Variants in SREK1IP1 observed in about 807,000 individuals in gnomAD.
The protein encoded by SREK1IP1 is SREK1 interacting protein 1.
SREK1IP1 carries 12 observed loss-of-function variants against 22.8 expected under a neutral mutation model. That is an observed-to-expected ratio of 0.53 (90% CI 0.34 to 0.85). The LOEUF (loss-of-function observed/expected upper bound fraction) is 0.85, where lower values mean the gene tolerates loss of function less well. Among genes scored for constraint, SREK1IP1 ranks in the 40% least tolerant of loss-of-function variants. SREK1IP1 has a pLI of 0.02. For missense variants in SREK1IP1, 147 were observed against 171.8 expected (o/e 0.86, Z 0.81); for synonymous variants, 53 against 52.7 (o/e 1.01, Z -0.02).
intron 3 of SREK1IP1, among the ~76,000 whole-genome samples, chr5:64,740,764 C>T (rs188559544): frequency 3.3e-5 from 5 of 152,136 alleles, no homozygotes; most frequent in Non-Finnish European, 5.9e-5. Context: ...GGACTAGAAA[C>T]CAAATCTTAA....
At chr5:64,743,338 T>C (rs1162138068) in intron 2 of SREK1IP1, among the ~76,000 whole-genome samples, 3 of 152,218 alleles carry the variant, frequency 2.0e-5, no homozygotes, top group African/African-American at 7.2e-5. Flanking sequence ...GGCTATACCA[T>C]GTAGCCTAGG....
chr5:64,760,592 C>T (rs984420402), intron 1 of SREK1IP1, among the ~76,000 whole-genome samples: 9 of 152,172 alleles, frequency 5.9e-5, no homozygotes, highest in African/African-American at 2.2e-4. Flanking sequence ...ACTCTCCCTC[C>T]CAGATAAGCA....
At chr5:64,760,357 A>G (rs1184976196) in intron 1 of SREK1IP1, among the ~76,000 whole-genome samples, 1 of 152,250 alleles carries the variant, frequency 6.6e-6, no homozygotes, top group Non-Finnish European at 1.5e-5. Context: ...GTAAGCAGCC[A>G]GAAAGAACAG....
intron 2 of SREK1IP1, among the ~76,000 whole-genome samples, chr5:64,750,094 C>G (rs545289985): frequency 2.6e-5 from 4 of 152,132 alleles, no homozygotes; most frequent in Admixed American, 2.0e-4. Context: ...AGCCCTGCCA[C>G]GAGATTGAAT....
rs567021264 is a variant in SREK1IP1 at position 64,749,106 on chromosome 5, T to A, written c.61+5209A>T. Reference sequence around the variant, plus strand: ...ATAATAATAATAATAATAATAATAATAAAAACCCTCCAGTTTCATGTTTCA... The same window carrying A: ...ATAATAATAATAATAATAATAATAAAAAAAACCCTCCAGTTTCATGTTTCA... On this transcript the variant is annotated intron_variant, in intron 2 of 4. Transcript: ENST00000513458. Among the ~76,000 whole-genome samples, 474 of 141,020 alleles carry A rather than the reference T, an allele frequency of 3.4e-3. 3 individuals are homozygous for A. Among genetic ancestry groups the A allele is most frequent in the African/African-American group, 6.7e-3 (250 of 37,402 alleles). The allele number at this position is 141,020 out of a possible 152,430, so 92.5% of individuals were successfully genotyped here.
At chr5:64,737,168 A>G (rs1742478315) in intron 3 of SREK1IP1, among the ~76,000 whole-genome samples, 1 of 152,148 alleles carries the variant, frequency 6.6e-6, no homozygotes, top group African/African-American at 2.4e-5. Context: ...AACATTCTCC[A>G]GAACAGAGCA....
rs755420855 is a variant in SREK1IP1, at chr5:64,752,144, G to GTTTTTTTTTTTTTTTTTT, written c.61+2170_61+2171insAAAAAAAAAAAAAAAAAA. On this transcript the variant is annotated intron_variant, in intron 2 of 4. Transcript: ENST00000513458. ...CTCTTTTTCTGTGAATTTTTTTTGTGTGTTTTTTTTTTTTTTTTTTTTTTT... is the reference window on the plus strand; with the variant it reads ...CTCTTTTTCTGTGAATTTTTTTTGTGTTTTTTTTTTTTTTTTTTTGTTTTTTTTTTTTTTTTTTTTTTT... Among the ~76,000 whole-genome samples, 25 of 85,446 alleles carry GTTTTTTTTTTTTTTTTTT rather than the reference G, an allele frequency of 2.9e-4. 4 individuals carry two copies. The highest frequency in any genetic ancestry group is 7.5e-4 in the South Asian group (2 of 2,660). The allele number at this position is 85,446 out of a possible 152,430, so 56.1% of individuals were successfully genotyped here.
chr5:64,747,457 G>A (rs1028453749), intron 2 of SREK1IP1, among the ~76,000 whole-genome samples: 43 of 152,134 alleles, frequency 2.8e-4, no homozygotes, highest in African/African-American at 9.7e-4. Flanking sequence ...AATTCCAAGA[G>A]TTTTAGAAGC....
chr5:64,722,252 T>C lies in SREK1IP1; in HGVS notation c.*2132A>G, dbSNP rs1279642724. ...CATTAAAATATTTTAATTTGCATAC[T>C]ACATTAGTTAACGAGGACTGACTTT... On this transcript the variant is annotated 3_prime_UTR_variant, in exon 5 of 5. Transcript: ENST00000513458. The C allele has an allele frequency of 6.6e-6, 1 of 152,174 alleles. No individual in the cohort carries two copies. Among genetic ancestry groups the C allele is most frequent in the Non-Finnish European group, 1.5e-5 (1 of 68,018 alleles). 9.4% of individuals were successfully genotyped at this position (152,174 alleles called of 1,614,324 possible).
intron 2 of SREK1IP1, among the ~76,000 whole-genome samples, chr5:64,742,148 A>C (rs1170151644): frequency 6.6e-6 from 1 of 151,464 alleles, no homozygotes. Context: ...CTATGTTAAC[A>C]TAACAGGTGT....
chr5:64,751,692 A>T (rs2112105613), intron 2 of SREK1IP1, among the ~76,000 whole-genome samples: 1 of 152,300 alleles, frequency 6.6e-6, no homozygotes, highest in East Asian at 1.9e-4. Flanking sequence ...ACTTCTACAG[A>T]TTTCTAGGGA....
At chr5:64,734,770 C>T (rs2112091953) in intron 3 of SREK1IP1, among the ~76,000 whole-genome samples, 1 of 152,164 alleles carries the variant, frequency 6.6e-6, no homozygotes, top group Admixed American at 6.5e-5. Flanking sequence ...TAGACTCTTG[C>T]AACTTTGCTA....
At chr5:64,730,948 C>CG (rs201746102) in intron 3 of SREK1IP1, among the ~76,000 whole-genome samples, 10,122 of 152,050 alleles carry the variant, frequency 0.067, 1,093 homozygotes, top group African/African-American at 0.23. Flanking sequence ...ATGGTGATAA[C>CG]TATGATGGAA....
intron 3 of SREK1IP1, among the ~76,000 whole-genome samples, chr5:64,731,141 A>C (rs1742371224): frequency 6.6e-6 from 1 of 152,136 alleles, no homozygotes; most frequent in Non-Finnish European, 1.5e-5. Context: ...GGCTAAGGTG[A>C]AGAGACAGAA....
At chr5:64,762,803 G>A (rs1427665794) in intron 1 of SREK1IP1, among the ~76,000 whole-genome samples, 7 of 152,246 alleles carry the variant, frequency 4.6e-5, no homozygotes, top group Non-Finnish European at 1.0e-4. Flanking sequence ...TGTAATCTCA[G>A]CACTTTGGGA....
chr5:64,753,557 T>C (rs930330637), intron 2 of SREK1IP1, among the ~76,000 whole-genome samples: 1 of 152,168 alleles, frequency 6.6e-6, no homozygotes, highest in Non-Finnish European at 1.5e-5. Context: ...CTGATGGAGA[T>C]TTATGCCGAG....
At chr5:64,732,030 GAGACTC>G (rs1380807484) in intron 3 of SREK1IP1, among the ~76,000 whole-genome samples, 2 of 152,154 alleles carry the variant, frequency 1.3e-5, no homozygotes, top group East Asian at 3.8e-4. Context: ...TGTACATCTG[GAGACTC>G]AGAAATTGTA....
intron 1 of SREK1IP1, among the ~76,000 whole-genome samples, chr5:64,762,344 AT>A (rs1428119562): frequency 1.3e-5 from 2 of 152,206 alleles, no homozygotes; most frequent in Non-Finnish European, 2.9e-5. Context: ...AATTAGATTA[AT>A]TTTGTTTAGT....
At chr5:64,752,146 G>GTTTTTTTTTTTTT (rs869277379) in intron 2 of SREK1IP1, among the ~76,000 whole-genome samples, 1 of 61,056 alleles carries the variant, frequency 1.6e-5, no homozygotes, top group Non-Finnish European at 3.0e-5. Context: ...TTTTTTGTGT[G>GTTTTTTTTTTTTT]TTTTTTTTTT....
Sources: allele counts gnomAD v4.1 joint callset (sites outside exome capture counted in the v4.1 genomes callset), GRCh38; gene constraint gnomAD v4.1.1; transcripts MANE v1.5; gene names NCBI Gene and HGNC (gene_info 2026-07-23, HGNC 2026-07-21).